ERC1: variants seen among roughly 807,000 people sequenced by gnomAD.
The protein encoded by ERC1 is ELKS/RAB6-interacting/CAST family member 1.
A neutral mutation model predicts 132.0 loss-of-function variants in ERC1; 56 were observed. That is an observed-to-expected ratio of 0.42 (90% CI 0.34 to 0.53). The LOEUF is 0.53. Ranked by LOEUF, ERC1 falls within the 20% of genes least tolerant of loss-of-function variation. ERC1 has a pLI of 0.03. For missense variants in ERC1, 1,202 were observed against 1,349.9 expected, an observed-to-expected ratio of 0.89 and a Z score of 1.72; for synonymous variants, 478 against 476.1, an observed-to-expected ratio of 1.00 and a Z score of -0.05.
At chr12:1,154,354 T>TACAC (rs35510985) in intron 8 of ERC1, among the ~76,000 whole-genome samples, 35,884 of 145,660 alleles carry the variant, frequency 0.25, 4,605 homozygotes, top group African/African-American at 0.3. Context: ...TGTGTGTTTA[T>TACAC]ACACACACAC....
intron 13 of ERC1, among the ~76,000 whole-genome samples, chr12:1,245,653 C>T (rs905038774): frequency 1.3e-5 from 2 of 152,124 alleles, no homozygotes; most frequent in African/African-American, 4.8e-5. Flanking sequence ...TAAAAATGTT[C>T]TGATTGGATT....
At chr12:1,249,949 A>C (rs1476797512) in intron 13 of ERC1, among the ~76,000 whole-genome samples, 2 of 152,130 alleles carry the variant, frequency 1.3e-5, no homozygotes, top group Admixed American at 1.3e-4. Flanking sequence ...CTCATGACCT[A>C]ATGACCTCCC....
chr12:1,220,030 A>G (rs1165159888), intron 12 of ERC1, among the ~76,000 whole-genome samples: 2 of 151,986 alleles, frequency 1.3e-5, no homozygotes, highest in Non-Finnish European at 2.9e-5. Context: ...CTCCCCTTCC[A>G]TATACTCCAC....
At chr12:1,429,556 T>G (rs929598531) in intron 17 of ERC1, among the ~76,000 whole-genome samples, 1 of 152,232 alleles carries the variant, frequency 6.6e-6, no homozygotes, top group Non-Finnish European at 1.5e-5. Context: ...AAAATATTTT[T>G]GGGACGTCTG....
At chr12:1,244,506 GTT>G in intron 13 of ERC1, 1 of 361,026 alleles carries the variant, frequency 2.8e-6, no homozygotes, top group Admixed American at 2.9e-5. Context: ...TGGTTTGTTT[GTT>G]TGTTTGTTTG....
At chr12:1,400,119 A>G (rs1165995012) in intron 16 of ERC1, among the ~76,000 whole-genome samples, 1 of 152,012 alleles carries the variant, frequency 6.6e-6, no homozygotes, top group African/African-American at 2.4e-5. Flanking sequence ...GTTTTGTTTT[A>G]TATTGTATTG....
At chr12:1,249,101 A>G (rs558410750) in intron 13 of ERC1, among the ~76,000 whole-genome samples, 12 of 152,108 alleles carry the variant, frequency 7.9e-5, no homozygotes, top group Non-Finnish European at 1.5e-4. Context: ...TGTGTTGCCC[A>G]GTCTGGACTT....
intron 14 of ERC1, among the ~76,000 whole-genome samples, chr12:1,284,891 G>C: frequency 6.6e-6 from 1 of 152,112 alleles, no homozygotes; most frequent in Non-Finnish European, 1.5e-5. Context: ...TCCTGCCTTG[G>C]CCTCCTGGAA....
intron 7 of ERC1, among the ~76,000 whole-genome samples, chr12:1,130,341 G>T (rs1216431782): frequency 1.3e-5 from 2 of 152,144 alleles, no homozygotes; most frequent in Non-Finnish European, 2.9e-5. Context: ...TTCTGTGAGG[G>T]TTTTCACATA....
At chr12:1,140,885 C>CAGT (rs1555266352) in intron 7 of ERC1, among the ~76,000 whole-genome samples, 5 of 152,002 alleles carry the variant, frequency 3.3e-5, no homozygotes, top group African/African-American at 1.2e-4. Flanking sequence ...TTTGAAATGA[C>CAGT]AATGAAAAAA....
At chr12:1,093,323 C>T (rs1406912685) in intron 3 of ERC1, among the ~76,000 whole-genome samples, 1 of 152,132 alleles carries the variant, frequency 6.6e-6, no homozygotes, top group African/African-American at 2.4e-5. Flanking sequence ...GCTGTAGCTC[C>T]TTTCATTTGA....
intron 1 of ERC1, among the ~76,000 whole-genome samples, chr12:1,004,468 G>A (rs12312678): frequency 0.13 from 17,810 of 135,514 alleles, 1,703 homozygotes; most frequent in African/African-American, 0.28. Flanking sequence ...GTGCAGTGAC[G>A]TGATCTCGGC....
rs34377863 is a variant in ERC1 at position 1,092,001 on chromosome 12, C to CTTTT, written c.1086+8433_1086+8436dup. Among the ~76,000 whole-genome samples, 54 of 138,094 alleles carry CTTTT rather than the reference C, an allele frequency of 3.9e-4. 3 individuals carry two copies. Among genetic ancestry groups the CTTTT allele is most frequent in the Middle Eastern group, 3.8e-3 (1 of 266 alleles). The allele number at this position is 138,094 out of a possible 152,430, so 90.6% of individuals were successfully genotyped here. On this transcript the variant is annotated intron_variant, in intron 3 of 18. Coordinates refer to ENST00000360905, the MANE Select transcript of ERC1 (RefSeq NM_178040.4). ...AAAAAAAAGTGGCATTTAATCAATTCTTTTTTTTTTTTTTTGAGACGGAGT... is the reference window on the plus strand; with the variant it reads ...AAAAAAAAGTGGCATTTAATCAATTCTTTTTTTTTTTTTTTTTTTGAGACGGAGT...
chr12:1,347,748 C>T (rs35990868), intron 15 of ERC1, among the ~76,000 whole-genome samples: 2,932 of 152,260 alleles, frequency 0.019, 81 homozygotes, highest in Non-Finnish European at 0.022. Flanking sequence ...CTTGGGAGAC[C>T]GAGACGGGCA....
At chr12:1,436,167 C>T (rs1339867935) in intron 17 of ERC1, among the ~76,000 whole-genome samples, 15 of 152,084 alleles carry the variant, frequency 9.9e-5, no homozygotes, top group Admixed American at 3.3e-4. Flanking sequence ...CACACACACA[C>T]ACACACACAC....
chr12:1,432,770 G>A (rs1353880536), intron 17 of ERC1, among the ~76,000 whole-genome samples: 1 of 152,202 alleles, frequency 6.6e-6, no homozygotes, highest in Admixed American at 6.5e-5. Context: ...CTTCACCACT[G>A]TATCACTCTG....
chr12:1,327,709 C>A (rs2082550934), intron 15 of ERC1, among the ~76,000 whole-genome samples: 1 of 152,190 alleles, frequency 6.6e-6, no homozygotes, highest in Admixed American at 6.5e-5. Context: ...CGTCCAAGTA[C>A]AAATAAATAC....
rs1266861925 is a variant in ERC1, at chr12:1,236,792, A to C, written c.2375A>C (p.Lys792Thr). Residue 792 changes from lysine (K) to threonine (T), a missense_variant, in exon 13 of 19, where the codon AAG (lysine) becomes ACG (threonine). Coordinates refer to ENST00000360905, the MANE Select transcript of ERC1 (RefSeq NM_178040.4). The part of the protein sequence containing the change: ...LERQVKDQNK[K>T]VANLKHKEQV... ...AGGCAAGTGAAAGACCAGAATAAGA[A>C]GGTAGCAAATCTGAAGCACAAGGAA... 6.2e-7 allele frequency: 1 copy of C among 1,613,920 alleles called. No individual in the cohort carries two copies. The highest frequency in any genetic ancestry group is 1.7e-5 in the Admixed American group (1 of 59,944).
intron 15 of ERC1, among the ~76,000 whole-genome samples, chr12:1,356,944 C>T (rs997463190): frequency 2.0e-5 from 3 of 152,094 alleles, no homozygotes; most frequent in African/African-American, 4.8e-5. Context: ...TAATAAATTA[C>T]CGGGTTTGTT....
Sources: allele counts gnomAD v4.1 joint callset (sites outside exome capture counted in the v4.1 genomes callset), GRCh38; gene constraint gnomAD v4.1.1; transcripts MANE v1.5; gene names NCBI Gene and HGNC (gene_info 2026-07-23, HGNC 2026-07-21).